The following ATG4B variants were observed in gnomAD, a reference collection of about 807,000 sequenced individuals.
ATG4B encodes cysteine protease ATG4B.
ATG4B carries 29 observed loss-of-function variants against 56.6 expected under a neutral mutation model. That is an observed-to-expected ratio of 0.51 (90% confidence interval 0.38 to 0.70). ATG4B has a LOEUF of 0.70. Among genes scored for constraint, ATG4B ranks in the 30% least tolerant of loss-of-function variants. The probability of loss-of-function intolerance (pLI) is 0.00; values close to 1 mark genes in which losing one functional copy is unlikely to be tolerated. For missense variants in ATG4B, 461 were observed against 515.5 expected, an observed-to-expected ratio of 0.89 and a Z score of 1.02; for synonymous variants, 224 against 206.1, an observed-to-expected ratio of 1.09 and a Z score of -0.74.
At chr2:241,665,217 C>T (rs531806187) in intron 7 of ATG4B, among the ~76,000 whole-genome samples, 2 of 152,316 alleles carry the variant, frequency 1.3e-5, no homozygotes, top group South Asian at 4.1e-4. Flanking sequence ...GAGTCATGGC[C>T]ACAAACCCTC....
chr2:241,655,736 C>T (rs534452963), intron 6 of ATG4B, among the ~76,000 whole-genome samples: 19 of 152,296 alleles, frequency 1.2e-4, no homozygotes, highest in African/African-American at 3.1e-4. Flanking sequence ...TCACTCTACC[C>T]GGAGACTCCC....
At position 241,668,087 on chromosome 2, in the gene ATG4B, G is replaced by A. The variant is rs1379155504; in HGVS notation, c.733-56G>A. 1 of 1,525,826 alleles carries A rather than the reference G, an allele frequency of 6.6e-7. No individual in the cohort carries two copies. Among genetic ancestry groups the A allele is most frequent in the Non-Finnish European group, 8.9e-7 (1 of 1,126,736 alleles). 94.5% of individuals were successfully genotyped at this position (1,525,826 alleles called of 1,614,324 possible). ...CCTTGGGCCCCCTATGGCAGTGGGT[G>A]GGGGGACCGTCTGCTCCCACCTGGG... On this transcript the variant is annotated intron_variant, in intron 8 of 12. Coordinates refer to ENST00000404914, the MANE Select transcript of ATG4B (RefSeq NM_013325.5). The surrounding 1 kb of genome is among the most constrained non-coding windows in gnomAD (Gnocchi z 4.2).
intron 10 of ATG4B, among the ~76,000 whole-genome samples, chr2:241,669,679 C>A (rs112803996): frequency 0.2 from 29,945 of 151,960 alleles, 3,271 homozygotes; most frequent in East Asian, 0.27. Context: ...GGCTAATTTT[C>A]TGTATTTTTA....
At chr2:241,664,594 C>T (rs1243805846) in intron 7 of ATG4B, among the ~76,000 whole-genome samples, 1 of 152,174 alleles carries the variant, frequency 6.6e-6, no homozygotes, top group East Asian at 1.9e-4. Flanking sequence ...TAGCTCCTAC[C>T]CATAATCGCA....
chr2:241,647,614 CTCCGTCTCAA>C (rs1444851755), intron 1 of ATG4B, among the ~76,000 whole-genome samples: 4 of 122,882 alleles, frequency 3.3e-5, no homozygotes, highest in Non-Finnish European at 6.5e-5. Flanking sequence ...CAGAGTGAGA[CTCCGTCTCAA>C]AAAAAAAAAA....
At chr2:241,638,410 T>C (rs1448338430) in intron 1 of ATG4B, 1 of 152,154 alleles carries the variant, frequency 6.6e-6, no homozygotes, top group Admixed American at 6.5e-5. Flanking sequence ...GTTTTTTTCC[T>C]ATCCTTTCAT....
At chr2:241,670,669 C>T (rs1045615560) in intron 10 of ATG4B, 57 bp from the exon 11 acceptor site, 1 of 1,506,130 alleles carries the variant, frequency 6.6e-7, no homozygotes, top group Non-Finnish European at 9.1e-7. Flanking sequence ...AAGCCCCCAC[C>T]TCTTAGCCGA....
chr2:241,660,817 C>T (rs1460221260), intron 7 of ATG4B, among the ~76,000 whole-genome samples: 1 of 152,224 alleles, frequency 6.6e-6, no homozygotes, highest in Non-Finnish European at 1.5e-5. Context: ...CATCCTCCCT[C>T]CCGTGTTTGG....
intron 1 of ATG4B, among the ~76,000 whole-genome samples, chr2:241,642,008 C>G (rs577654960): frequency 6.6e-6 from 1 of 150,490 alleles, no homozygotes. Context: ...TAGTGCATCA[C>G]TTGTGTCTGG....
intron 8 of ATG4B, 189 bp from the exon 9 acceptor site, chr2:241,667,954 G>GT: frequency 1.7e-6 from 1 of 580,264 alleles, no homozygotes. Context: ...TGCAGATTGG[G>GT]TTTCTTGTGC....
intron 1 of ATG4B, among the ~76,000 whole-genome samples, chr2:241,641,346 C>T (rs568659642): frequency 7.2e-5 from 11 of 152,200 alleles, no homozygotes; most frequent in East Asian, 3.9e-4. Context: ...GTCAGGAGAT[C>T]GAGACCATCC....
At chr2:241,665,824 AGCC>A (rs1016394147) in intron 7 of ATG4B, among the ~76,000 whole-genome samples, 1 of 152,152 alleles carries the variant, frequency 6.6e-6, no homozygotes, top group Non-Finnish European at 1.5e-5. Context: ...TTCTGAGAAG[AGCC>A]GCCTTTTCTC....
chr2:241,661,594 C>A (rs1399455088), intron 7 of ATG4B, among the ~76,000 whole-genome samples: 2 of 152,180 alleles, frequency 1.3e-5, no homozygotes, highest in Non-Finnish European at 2.9e-5. Context: ...GTGGAAGGAG[C>A]AGTTAGATAG....
At chr2:241,639,741 T>C (rs1255091815) in intron 1 of ATG4B, among the ~76,000 whole-genome samples, 1 of 152,170 alleles carries the variant, frequency 6.6e-6, no homozygotes, top group Non-Finnish European at 1.5e-5. Flanking sequence ...GAGTGTGTGC[T>C]GATTTGTCTG....
chr2:241,653,166 C>A, intron 3 of ATG4B: 1 of 580,346 alleles, frequency 1.7e-6, no homozygotes, highest in Non-Finnish European at 3.1e-6. Context: ...GAATTTCTGC[C>A]TTTCTGATAA....
At chr2:241,653,714 A>G (rs563105827) in intron 4 of ATG4B, 104 bp downstream of exon 4, 14 of 978,350 alleles carry the variant, frequency 1.4e-5, no homozygotes, top group Middle Eastern at 2.1e-4. Context: ...TAAAACAGTA[A>G]GTAGAACTTG....
chr2:241,660,276 T>G (rs1431283944), intron 7 of ATG4B, among the ~76,000 whole-genome samples: 1 of 152,222 alleles, frequency 6.6e-6, no homozygotes, highest in African/African-American at 2.4e-5. Context: ...CCTGTGACTG[T>G]GGGTGTGCCA....
In ATG4B at chr2:241,672,954, G is replaced by C. The variant is rs1284598201; in HGVS notation, c.*690G>C. The stretch of plus-strand genomic sequence containing the variant: ...GGCCTGGGCAGAAGGGCGGCTGGCT[G>C]TCCTGGAGCTGCTGCTGGAGCCTGC... On this transcript the variant is annotated 3_prime_UTR_variant, in exon 13 of 13. Transcript: ENST00000404914. The C allele has an allele frequency of 1.2e-5, 2 of 164,650 alleles. No homozygotes were observed. Among genetic ancestry groups the C allele is most frequent in the Non-Finnish European group, 2.7e-5 (2 of 74,714 alleles). The allele number at this position is 164,650 out of a possible 1,614,324, so 10.2% of individuals were successfully genotyped here. A position where few individuals can be genotyped will look rare whatever the true frequency, so the allele number is the denominator to read the frequency against.
At position 241,673,294 on chromosome 2, in the gene ATG4B, AC is replaced by A. The variant is rs2069042561; in HGVS notation, c.*1033del. 2 of 344,854 alleles carry A rather than the reference AC, an allele frequency of 5.8e-6. No individual in the cohort carries two copies. Among genetic ancestry groups the A allele is most frequent in the East Asian group, 7.5e-5 (1 of 13,358 alleles). The allele number at this position is 344,854 out of a possible 1,614,324, so 21.4% of individuals were successfully genotyped here. On this transcript the variant is annotated 3_prime_UTR_variant, in exon 13 of 13. Coordinates refer to ENST00000404914, the MANE Select transcript of ATG4B (RefSeq NM_013325.5). ...CGATTCCAGCACCCACCACCGCCTG[AC>A]CCTGTGTAACCTGCTGTCCCGGGTC...
Sources: allele counts gnomAD v4.1 joint callset (sites outside exome capture counted in the v4.1 genomes callset), GRCh38; gene constraint gnomAD v4.1.1; non-coding constraint Gnocchi (gnomAD v3.1); transcripts MANE v1.5; gene names NCBI Gene and HGNC (gene_info 2026-07-23, HGNC 2026-07-21).